ZNF430: variants seen among roughly 807,000 people sequenced by gnomAD.
The protein encoded by ZNF430 is zinc finger protein 430.
In ZNF430, 35 loss-of-function variants were observed where a neutral mutation model predicts 56.7. The ratio of observed to expected loss-of-function variants is 0.62; its 90% CI spans 0.47 to 0.82. ZNF430 has a LOEUF of 0.82. Among genes scored for constraint, ZNF430 ranks in the 40% least tolerant of loss-of-function variants. ZNF430 has a pLI of 0.00. For synonymous variants in ZNF430, 212 were observed against 224.3 expected (o/e 0.94, Z 0.49); for missense variants, 574 against 661.0 (o/e 0.87, Z 1.44).
At chr19:21,038,293 G>A (rs899293993) in intron 4 of ZNF430, among the ~76,000 whole-genome samples, 5 of 151,768 alleles carry the variant, frequency 3.3e-5, no homozygotes, top group African/African-American at 9.7e-5. Context: ...AAAGACTATT[G>A]TTTCCTCTTG....
At chr19:21,037,595 G>A (rs1453420078) in intron 4 of ZNF430, among the ~76,000 whole-genome samples, 1 of 152,126 alleles carries the variant, frequency 6.6e-6, no homozygotes, top group Admixed American at 6.5e-5. Context: ...ATTTTAAATT[G>A]ATAAAGAGGA....
At chr19:21,021,231 G>A (rs1422762858) in intron 1 of ZNF430, among the ~76,000 whole-genome samples, 2 of 152,102 alleles carry the variant, frequency 1.3e-5, no homozygotes, top group Non-Finnish European at 2.9e-5. Flanking sequence ...GGGAGGGGTG[G>A]CTCACGTCTG....
At chr19:21,030,994 T>G (rs1967892455) in intron 2 of ZNF430, among the ~76,000 whole-genome samples, 1 of 152,156 alleles carries the variant, frequency 6.6e-6, no homozygotes. Flanking sequence ...GCCATTCTTA[T>G]GCCTCAGCCT....
chr19:21,029,754 C>T (rs907441745), intron 2 of ZNF430, among the ~76,000 whole-genome samples: 4 of 152,090 alleles, frequency 2.6e-5, no homozygotes, highest in African/African-American at 7.2e-5. Context: ...ATCATGAGGT[C>T]GAGAGTTTGA....
chr19:21,057,690 A>T lies in ZNF430; in HGVS notation c.1382A>T (p.Glu461Val). ...GGAGAGAAACCCTACAAATGTGAAG[A>T]ATGTGGCAAAGCCTTTAACCGGTCC... ...HTGEKPYKCE[E>V]CGKAFNRSPK... is the part of the protein sequence containing the mutation. The change falls in exon 5 of 5, where the codon GAA becomes GTA. Residue 461 changes from glutamate to valine, a missense_variant. Around this residue, in one of 3 missense-constraint regions of ZNF430, gnomAD observed 213 missense variants for 221.0 expected, o/e 0.96. Transcript: ENST00000261560. 1.2e-6 allele frequency: 2 copies of T among 1,609,174 alleles called. No individual in the cohort carries two copies. Among genetic ancestry groups the T allele is most frequent in the African/African-American group, 1.3e-5 (1 of 74,922 alleles).
chr19:21,039,493 G>A (rs1273887714), intron 4 of ZNF430, among the ~76,000 whole-genome samples: 2 of 68,060 alleles, frequency 2.9e-5, no homozygotes, highest in East Asian at 4.6e-4. Context: ...CTGAGACAGA[G>A]TCTCACTCTG....
intron 4 of ZNF430, among the ~76,000 whole-genome samples, chr19:21,042,745 G>C (rs543988020): frequency 6.6e-6 from 1 of 151,396 alleles, no homozygotes; most frequent in Non-Finnish European, 1.5e-5. Context: ...CCGAGATCGC[G>C]CCACTGCACT....
intron 2 of ZNF430, among the ~76,000 whole-genome samples, chr19:21,023,801 T>C (rs558384564): frequency 6.6e-6 from 1 of 152,352 alleles, no homozygotes; most frequent in East Asian, 1.9e-4. Flanking sequence ...AGTTTCATGC[T>C]AAATTTTATG....
intron 1 of ZNF430, among the ~76,000 whole-genome samples, chr19:21,021,710 G>A (rs531028264): frequency 6.6e-6 from 1 of 151,954 alleles, no homozygotes; most frequent in Admixed American, 6.6e-5. Context: ...GTACAATAAA[G>A]GTGAAAATTT....
chr19:21,031,619 T>A (rs560607421), intron 2 of ZNF430, among the ~76,000 whole-genome samples: 26 of 152,196 alleles, frequency 1.7e-4, no homozygotes, highest in Non-Finnish European at 3.8e-4. Context: ...TCTGTTTGTG[T>A]GCGTGATGGT....
intron 4 of ZNF430, chr19:21,036,151 T>C (rs1455130172): frequency 1.3e-5 from 2 of 152,482 alleles, no homozygotes; most frequent in East Asian, 3.8e-4. Flanking sequence ...AGTTTGCAAT[T>C]CGGTTTATCT....
Position 21,058,080 on chromosome 19 carries a change from A to G in ZNF430, c.*59A>G. 1.4e-6 allele frequency: 2 copies of G among 1,460,330 alleles called. No homozygotes were observed. The highest frequency in any genetic ancestry group is 1.9e-6 in the Non-Finnish European group (2 of 1,071,680). 90.5% of individuals were successfully genotyped at this position (1,460,330 alleles called of 1,614,324 possible). A position where few individuals can be genotyped will look rare whatever the true frequency, so the allele number is the denominator to read the frequency against. On this transcript the variant is annotated 3_prime_UTR_variant, in exon 5 of 5. Transcript: ENST00000261560. ...TCTTACTAAACATAAGAACATTCAT[A>G]CTGAAGAGGAACCCTATGAGTGTGA...
intron 2 of ZNF430, among the ~76,000 whole-genome samples, chr19:21,032,382 G>A (rs1967919297): frequency 1.3e-5 from 2 of 152,064 alleles, no homozygotes; most frequent in African/African-American, 2.4e-5. Context: ...ACTGTTTGAG[G>A]GGCAATATCT....
chr19:21,056,851 A>G lies in ZNF430; in HGVS notation c.543A>G (p.Lys181=). The change falls in exon 5 of 5, where the codon AAA becomes AAG. Residue 181 remains lysine (K), a synonymous_variant. Transcript: ENST00000261560. The stretch of plus-strand genomic sequence containing the variant: ...AGAGTGAAATATTTCAATATGATAA[A>G]TATGTGAATGTCTTTTATAAATTTT... The part of the protein sequence containing the change: ...TTQSEIFQYD[K]YVNVFYKFSN... The G allele has an allele frequency of 6.2e-7, 1 of 1,611,748 alleles. No individual in the cohort carries two copies. Among genetic ancestry groups the G allele is most frequent in the Non-Finnish European group, 8.5e-7 (1 of 1,178,844 alleles).
At chr19:21,022,985 A>G in intron 2 of ZNF430, 104 bp downstream of exon 2, 1 of 854,964 alleles carries the variant, frequency 1.2e-6, no homozygotes, top group Non-Finnish European at 1.9e-6. Flanking sequence ...AGGGGAAAAC[A>G]AATAATTTTT....
At chr19:21,037,400 G>C (rs1440981933) in intron 4 of ZNF430, among the ~76,000 whole-genome samples, 1 of 152,130 alleles carries the variant, frequency 6.6e-6, no homozygotes, top group African/African-American at 2.4e-5. Flanking sequence ...TTACAGGTGT[G>C]AGTCACACGC....
In ZNF430 at chr19:21,057,501, A is replaced by T. The variant is rs1968401178; in HGVS notation, c.1193A>T (p.Glu398Val). The change falls in exon 5 of 5, where the codon GAG (glutamate) becomes GTG (valine). Residue 398 changes from glutamate to valine, a missense_variant. By Grantham distance (121) the Glu-to-Val change is moderately radical. Coordinates refer to ENST00000261560, the MANE Select transcript of ZNF430 (RefSeq NM_025189.4). ...LTKHKIIHTG[E>V]KFYKCEECGK... ...AAACATAAGATAATTCATACTGGAG[A>T]GAAATTCTACAAATGTGAAGAATGT... 3 of 1,613,706 alleles carry T rather than the reference A, an allele frequency of 1.9e-6. No individual in the cohort carries two copies. The highest frequency in any genetic ancestry group is 2.5e-6 in the Non-Finnish European group (3 of 1,179,944).
At chr19:21,056,016 G>C (rs996001982) in intron 4 of ZNF430, among the ~76,000 whole-genome samples, 2 of 152,192 alleles carry the variant, frequency 1.3e-5, no homozygotes, top group Admixed American at 1.3e-4. Flanking sequence ...GTTGGCAGTG[G>C]GGAGCAGGAA....
intron 4 of ZNF430, among the ~76,000 whole-genome samples, chr19:21,048,338 G>A (rs969285981): frequency 3.3e-5 from 5 of 150,416 alleles, no homozygotes; most frequent in South Asian, 2.1e-4. Flanking sequence ...GCGGCCTTCC[G>A]CAGTGTTTGT....
Sources: allele counts gnomAD v4.1 joint callset (sites outside exome capture counted in the v4.1 genomes callset), GRCh38; gene constraint gnomAD v4.1.1; regional missense constraint gnomAD v4.1.1; transcripts MANE v1.5; gene names NCBI Gene and HGNC (gene_info 2026-07-23, HGNC 2026-07-21).